Variants in PPARGC1A observed in about 807,000 individuals in gnomAD.
The protein encoded by PPARGC1A is peroxisome proliferator-activated receptor gamma coactivator 1-alpha.
PPARGC1A carries 25 observed loss-of-function variants against 88.7 expected under a neutral mutation model. The ratio of observed to expected loss-of-function variants is 0.28; its 90% CI spans 0.21 to 0.39. The LOEUF (loss-of-function observed/expected upper bound fraction) is 0.39. PPARGC1A is among the 10% of genes least tolerant of loss of function. The pLI, the probability that PPARGC1A is intolerant of heterozygous loss-of-function variation, is 1.00. For synonymous variants in PPARGC1A, 363 were observed against 355.6 expected, an observed-to-expected ratio of 1.02 and a Z score of -0.24; for missense variants, 880 against 968.7, an observed-to-expected ratio of 0.91 and a Z score of 1.22.
the PPARGC1A span, among the ~76,000 whole-genome samples, chr4:24,139,700 C>T: frequency 2.0e-5 from 3 of 152,052 alleles, no homozygotes; most frequent in East Asian, 1.9e-4. Context: ...GCATCCTGTG[C>T]GTGCCCTTGT....
At chr4:24,126,267 C>CCACACACA in the PPARGC1A span, among the ~76,000 whole-genome samples, 515 of 146,528 alleles carry the variant, frequency 3.5e-3, 5 homozygotes, top group African/African-American at 9.4e-3. Flanking sequence ...TGGCTTCTCA[C>CCACACACA]CACACACACA....
At chr4:24,158,492 G>T in the PPARGC1A span, among the ~76,000 whole-genome samples, 24 of 152,168 alleles carry the variant, frequency 1.6e-4, no homozygotes, top group Non-Finnish European at 8.8e-5. Context: ...TTTTAAAATC[G>T]CTCACTTCCC....
chr4:24,437,706 G>A, the PPARGC1A span, among the ~76,000 whole-genome samples: 9 of 151,080 alleles, frequency 6.0e-5, no homozygotes, highest in African/African-American at 9.8e-5. Flanking sequence ...TTTTGTTCTC[G>A]TTGCCAAGGC....
the PPARGC1A span, among the ~76,000 whole-genome samples, chr4:24,275,594 C>T: frequency 6.6e-6 from 1 of 152,136 alleles, no homozygotes; most frequent in Non-Finnish European, 1.5e-5. Context: ...GGCAGGAACC[C>T]TTTAATAAAT....
chr4:24,319,089 G>A, the PPARGC1A span, among the ~76,000 whole-genome samples: 1 of 152,188 alleles, frequency 6.6e-6, no homozygotes, highest in African/African-American at 2.4e-5. Context: ...GCTTACGGTT[G>A]TAATCCCACA....
the PPARGC1A span, among the ~76,000 whole-genome samples, chr4:24,377,682 C>T: frequency 1.3e-5 from 2 of 152,154 alleles, no homozygotes; most frequent in African/African-American, 4.8e-5. Flanking sequence ...AAAAATGTAG[C>T]GTCGATTTCA....
chr4:23,865,559 T>G (rs76232035), intron 2 of PPARGC1A, among the ~76,000 whole-genome samples: 1 of 151,990 alleles, frequency 6.6e-6, no homozygotes, highest in Admixed American at 6.6e-5. Flanking sequence ...TATAAATGTC[T>G]TAAAATTTCC....
At chr4:24,232,925 G>T in the PPARGC1A span, among the ~76,000 whole-genome samples, 1 of 152,150 alleles carries the variant, frequency 6.6e-6, no homozygotes, top group African/African-American at 2.4e-5. Flanking sequence ...AAAGCAAATC[G>T]TGAAGGAAAG....
the PPARGC1A span, among the ~76,000 whole-genome samples, chr4:24,412,872 A>T: frequency 1.3e-5 from 2 of 152,234 alleles, no homozygotes; most frequent in African/African-American, 4.8e-5. Flanking sequence ...AGTGGTTGCC[A>T]CTAGAACAGT....
At chr4:24,061,273 C>T in the PPARGC1A span, among the ~76,000 whole-genome samples, 1 of 152,174 alleles carries the variant, frequency 6.6e-6, no homozygotes, top group Non-Finnish European at 1.5e-5. Flanking sequence ...TGCCGAAGAA[C>T]AGCCACCTTG....
chr4:24,393,217 C>G, the PPARGC1A span, among the ~76,000 whole-genome samples: 3 of 152,130 alleles, frequency 2.0e-5, no homozygotes, highest in Admixed American at 1.3e-4. Flanking sequence ...AAATGGGAGT[C>G]AAGCAAATGA....
the PPARGC1A span, among the ~76,000 whole-genome samples, chr4:24,217,985 T>C: frequency 6.6e-6 from 1 of 152,124 alleles, no homozygotes; most frequent in Non-Finnish European, 1.5e-5. Flanking sequence ...TTTTTAAAAT[T>C]GTTAAAATAA....
At chr4:24,083,987 C>G in the PPARGC1A span, among the ~76,000 whole-genome samples, 3 of 152,172 alleles carry the variant, frequency 2.0e-5, no homozygotes, top group Non-Finnish European at 4.4e-5. Flanking sequence ...AGATTACTAT[C>G]ATTATCCAAG....
At chr4:23,919,660 C>A in the PPARGC1A span, among the ~76,000 whole-genome samples, 11 of 151,764 alleles carry the variant, frequency 7.2e-5, no homozygotes, top group Non-Finnish European at 1.5e-5. Flanking sequence ...CCTCTTGCTT[C>A]AGCCCTTAAA....
chr4:23,956,277 AG>A, the PPARGC1A span, among the ~76,000 whole-genome samples: 1 of 152,022 alleles, frequency 6.6e-6, no homozygotes, highest in African/African-American at 2.4e-5. Flanking sequence ...ATTAAAATGC[AG>A]ATTTTGATTC....
the PPARGC1A span, among the ~76,000 whole-genome samples, chr4:23,967,823 A>G: frequency 4.1e-4 from 62 of 152,294 alleles, 1 homozygote; most frequent in East Asian, 0.011. Context: ...TTATCGACAC[A>G]GAAGCAGTGT....
At chr4:24,198,254 G>C in the PPARGC1A span, among the ~76,000 whole-genome samples, 16,388 of 152,242 alleles carry the variant, frequency 0.11, 1,401 homozygotes, top group African/African-American at 0.24. Flanking sequence ...GCTTATATCT[G>C]TTTCAAGCAT....
chr4:24,026,177 C>G, the PPARGC1A span, among the ~76,000 whole-genome samples: 2 of 152,282 alleles, frequency 1.3e-5, no homozygotes, highest in South Asian at 2.1e-4. Context: ...ATGCTGAAAA[C>G]CAACTTTTCC....
the PPARGC1A span, among the ~76,000 whole-genome samples, chr4:24,436,061 C>G: frequency 2.0e-5 from 3 of 152,206 alleles, no homozygotes; most frequent in Non-Finnish European, 4.4e-5. Context: ...TCCTCAACCA[C>G]TATTCCACTG....
Sources: allele counts gnomAD v4.1 joint callset (sites outside exome capture counted in the v4.1 genomes callset), GRCh38; gene constraint gnomAD v4.1.1; transcripts MANE v1.5; gene names NCBI Gene and HGNC (gene_info 2026-07-23, HGNC 2026-07-21).